THADA: variants seen among roughly 807,000 people sequenced by gnomAD.
The protein encoded by THADA is THADA armadillo repeat containing, also known as tRNA (32-2'-O)-methyltransferase regulator THADA.
In THADA, 213 loss-of-function variants were observed where a neutral mutation model predicts 219.8. That is an observed-to-expected ratio of 0.97 (90% confidence interval 0.87 to 1.09). THADA has a LOEUF of 1.09. THADA is among the 50% of genes least tolerant of loss of function. The pLI is 0.00. For synonymous variants in THADA, 1,018 were observed against 828.9 expected (o/e 1.23, Z -3.92); for missense variants, 2,956 against 2,311.3 (o/e 1.28, Z -5.72).
At chr2:43,555,714 G>T (rs1697267597) in intron 17 of THADA, among the ~76,000 whole-genome samples, 1 of 151,706 alleles carries the variant, frequency 6.6e-6, no homozygotes. Flanking sequence ...CTTTTTCATG[G>T]CTGTTTCTAC....
chr2:43,444,614 T>C (rs1681277080), intron 26 of THADA, among the ~76,000 whole-genome samples: 1 of 152,160 alleles, frequency 6.6e-6, no homozygotes, highest in Admixed American at 6.5e-5. Context: ...CTTCAAGATC[T>C]GCCACACATA....
intron 29 of THADA, among the ~76,000 whole-genome samples, chr2:43,388,295 C>A (rs4952989): frequency 0.013 from 2,022 of 152,226 alleles, 105 homozygotes; most frequent in Admixed American, 0.096. Context: ...AGTGTACCCA[C>A]GGTGAGATGT....
At chr2:43,248,018 G>T (rs1444068940) in intron 36 of THADA, among the ~76,000 whole-genome samples, 3 of 151,024 alleles carry the variant, frequency 2.0e-5, no homozygotes, top group Admixed American at 2.0e-4. Flanking sequence ...ACTCCAGCCT[G>T]GGCGTCAGAG....
At position 43,571,286 on chromosome 2, in the gene THADA, C is replaced by T. The variant is rs560177374; in HGVS notation, c.2064+421G>A. 9.6e-5 allele frequency among the ~76,000 whole-genome samples: 14 copies of T among 145,512 alleles called. No individual in the cohort carries two copies. In the East Asian group the frequency reaches 2.4e-3, roughly 25 times the overall value. On this transcript the variant is annotated intron_variant, in intron 13 of 37. Coordinates refer to ENST00000405975, the MANE Select transcript of THADA (RefSeq NM_022065.5). ...TTTTTTTTGGAGACCGAGTCTCACT[C>T]TGTTGCCCAGGCTGGAGTGCAGTGG... is the stretch of plus-strand genomic sequence containing the variant.
intron 26 of THADA, among the ~76,000 whole-genome samples, chr2:43,460,885 C>T (rs1683560979): frequency 6.6e-6 from 1 of 152,112 alleles, no homozygotes. Context: ...AGCAGAGGTC[C>T]TAAAGTATTC....
intron 35 of THADA, among the ~76,000 whole-genome samples, chr2:43,286,280 G>T (rs1673995004): frequency 6.6e-6 from 1 of 152,190 alleles, no homozygotes; most frequent in African/African-American, 2.4e-5. Flanking sequence ...AAAAGGAAGG[G>T]CCTTATGAGC....
chr2:43,274,153 T>TG (rs1672451370), intron 36 of THADA, among the ~76,000 whole-genome samples: 1 of 152,190 alleles, frequency 6.6e-6, no homozygotes, highest in Non-Finnish European at 1.5e-5. Context: ...GCATGGTCCC[T>TG]GCAGCCCCAG....
At chr2:43,243,221 A>T (rs1017195440) in intron 36 of THADA, among the ~76,000 whole-genome samples, 1 of 152,076 alleles carries the variant, frequency 6.6e-6, no homozygotes, top group Non-Finnish European at 1.5e-5. Context: ...AGGTGCCTCA[A>T]CATCATGACT....
At chr2:43,571,074 A>G (rs1157548472) in intron 13 of THADA, among the ~76,000 whole-genome samples, 1 of 152,074 alleles carries the variant, frequency 6.6e-6, no homozygotes, top group Non-Finnish European at 1.5e-5. Context: ...TGGGTAACAG[A>G]GCAAGACACT....
intron 29 of THADA, among the ~76,000 whole-genome samples, chr2:43,370,465 T>A (rs1010291127): frequency 2.6e-5 from 4 of 152,174 alleles, no homozygotes; most frequent in African/African-American, 7.2e-5. Flanking sequence ...AAACAGAAGT[T>A]TCATGTTGAA....
rs79597529 is a variant in THADA, at chr2:43,280,203, T to A, written c.5165-307A>T. On this transcript the variant is annotated intron_variant, in intron 35 of 37. Transcript: ENST00000405975. ...AAGACCCTCTGCCCTGCTCTCCTAGTTGAGTCCTGATTCTCTAGAAGAAAA... is the reference window on the plus strand; with the variant it reads ...AAGACCCTCTGCCCTGCTCTCCTAGATGAGTCCTGATTCTCTAGAAGAAAA... 3.7e-3 allele frequency among the ~76,000 whole-genome samples: 558 copies of A among 152,320 alleles called. 5 individuals carry two copies. The highest frequency in any genetic ancestry group is 0.013 in the African/African-American group (532 of 41,570).
At chr2:43,282,656 A>C (rs140813884) in intron 35 of THADA, among the ~76,000 whole-genome samples, 2,200 of 152,318 alleles carry the variant, frequency 0.014, 42 homozygotes, top group African/African-American at 0.045. Flanking sequence ...GTTGGGGTTG[A>C]AGCACAGCTG....
At chr2:43,397,459 A>C (rs143918035) in intron 29 of THADA, among the ~76,000 whole-genome samples, 1 of 152,270 alleles carries the variant, frequency 6.6e-6, no homozygotes, top group African/African-American at 2.4e-5. Flanking sequence ...AAACTTGTAC[A>C]TTTATTCAAA....
At chr2:43,404,634 T>A (rs1675316343) in intron 28 of THADA, among the ~76,000 whole-genome samples, 1 of 152,186 alleles carries the variant, frequency 6.6e-6, no homozygotes, top group Non-Finnish European at 1.5e-5. Context: ...TTCCCCACAG[T>A]AGCTCTCAGG....
intron 36 of THADA, among the ~76,000 whole-genome samples, chr2:43,253,206 A>G (rs1386629255): frequency 6.6e-6 from 1 of 152,194 alleles, no homozygotes. Flanking sequence ...GGAGGTAGAG[A>G]AGGAGAACCT....
intron 28 of THADA, among the ~76,000 whole-genome samples, chr2:43,423,547 C>G (rs182511557): frequency 2.6e-5 from 4 of 152,102 alleles, no homozygotes; most frequent in African/African-American, 9.6e-5. Context: ...ATTCTCCTGC[C>G]TTAGCCTCTC....
intron 21 of THADA, among the ~76,000 whole-genome samples, chr2:43,539,229 T>C (rs971982244): frequency 5.9e-5 from 9 of 152,202 alleles, no homozygotes; most frequent in Admixed American, 2.0e-4. Context: ...ACTCATAGTT[T>C]TACCACTAGG....
intron 34 of THADA, among the ~76,000 whole-genome samples, chr2:43,288,642 A>G (rs979082015): frequency 6.6e-6 from 1 of 152,272 alleles, no homozygotes; most frequent in Middle Eastern, 3.4e-3. Flanking sequence ...ACATGAGTAC[A>G]TCTTGTTCAC....
At chr2:43,444,240 C>A (rs908268743) in intron 26 of THADA, among the ~76,000 whole-genome samples, 1 of 152,198 alleles carries the variant, frequency 6.6e-6, no homozygotes, top group Non-Finnish European at 1.5e-5. Flanking sequence ...CACTTACTAG[C>A]ATATCAAGAA....
Sources: allele counts gnomAD v4.1 joint callset (sites outside exome capture counted in the v4.1 genomes callset), GRCh38; gene constraint gnomAD v4.1.1; transcripts MANE v1.5; gene names NCBI Gene and HGNC (gene_info 2026-07-23, HGNC 2026-07-21).